Variants in GLT1D1 observed in about 807,000 individuals in gnomAD.
GLT1D1 encodes glycosyltransferase 1 domain-containing protein 1.
Under a neutral mutation model 28.7 loss-of-function variants are expected in GLT1D1, and 21 were observed. The ratio of observed to expected loss-of-function variants is 0.73; its 90% CI spans 0.52 to 1.05. The LOEUF (loss-of-function observed/expected upper bound fraction) is 1.05. Among genes scored for constraint, GLT1D1 ranks in the 50% least tolerant of loss-of-function variants. The pLI is 0.00. For synonymous variants in GLT1D1, 147 were observed against 124.8 expected (o/e 1.18, Z -1.19); for missense variants, 343 against 330.6 (o/e 1.04, Z -0.29).
chr12:128,910,908 C>G lies in GLT1D1; in HGVS notation c.375+11621C>G, dbSNP rs1004996002. Among the ~76,000 whole-genome samples the G allele has an allele frequency of 4.6e-5, 7 of 152,190 alleles. No homozygotes were observed. The East Asian group carries it at 1.2e-3, about 25-fold the overall frequency. ...GGACAAAACCAACACCATACCGAGCCTCGTGTGTACCCACCACCTTCTTTA... is the reference window on the plus strand; with the variant it reads ...GGACAAAACCAACACCATACCGAGCGTCGTGTGTACCCACCACCTTCTTTA... On this transcript the variant is annotated intron_variant, in intron 4 of 7. Coordinates refer to ENST00000281703, the MANE Select transcript of GLT1D1 (RefSeq NM_144669.3).
At chr12:128,974,734 T>C (rs1879599402) in intron 7 of GLT1D1, among the ~76,000 whole-genome samples, 1 of 152,232 alleles carries the variant, frequency 6.6e-6, no homozygotes, top group Non-Finnish European at 1.5e-5. Flanking sequence ...CTGGAGATGA[T>C]ATGTAATAGA....
chr12:128,879,887 T>C (rs1464218533), intron 2 of GLT1D1, among the ~76,000 whole-genome samples: 1 of 152,254 alleles, frequency 6.6e-6, no homozygotes, highest in Non-Finnish European at 1.5e-5. Context: ...TACATTCTTT[T>C]TATTGGCTGT....
chr12:128,878,586 A>G (rs954268445), intron 2 of GLT1D1, among the ~76,000 whole-genome samples: 1 of 152,170 alleles, frequency 6.6e-6, no homozygotes, highest in Non-Finnish European at 1.5e-5. Context: ...TTTTCTGCTG[A>G]ACAAGTATAT....
chr12:128,950,527 C>G (rs1338114026), intron 6 of GLT1D1, among the ~76,000 whole-genome samples: 1 of 152,212 alleles, frequency 6.6e-6, no homozygotes, highest in Non-Finnish European at 1.5e-5. Context: ...GCAAGAAAAT[C>G]TAGACATGGT....
At chr12:128,938,642 C>A (rs1037617906) in intron 4 of GLT1D1, among the ~76,000 whole-genome samples, 2 of 152,134 alleles carry the variant, frequency 1.3e-5, no homozygotes, top group African/African-American at 4.8e-5. Context: ...TTCTTCAAAC[C>A]AACTTGGTTT....
intron 3 of GLT1D1, among the ~76,000 whole-genome samples, chr12:128,891,022 A>G (rs1449987737): frequency 6.6e-6 from 1 of 151,856 alleles, no homozygotes. Flanking sequence ...AGCAACAACA[A>G]CAAAAGAACC....
chr12:128,907,272 C>T (rs1186853658), intron 4 of GLT1D1, among the ~76,000 whole-genome samples: 1 of 151,538 alleles, frequency 6.6e-6, no homozygotes, highest in Non-Finnish European at 1.5e-5. Flanking sequence ...AGGAGAAGCT[C>T]CAGGGATTGA....
At chr12:128,872,919 G>T (rs573162902) in intron 1 of GLT1D1, among the ~76,000 whole-genome samples, 5 of 152,024 alleles carry the variant, frequency 3.3e-5, no homozygotes, top group East Asian at 1.9e-4. Context: ...TTGAGACAGG[G>T]TCTCGCTCTG....
chr12:128,944,556 G>A (rs1875766815), intron 4 of GLT1D1: 1 of 773,704 alleles, frequency 1.3e-6, no homozygotes, highest in African/African-American at 1.7e-5. Flanking sequence ...GGCCATTGGT[G>A]AGATGAATCC....
intron 1 of GLT1D1, among the ~76,000 whole-genome samples, chr12:128,871,737 C>T (rs1956693531): frequency 1.3e-5 from 2 of 152,076 alleles, no homozygotes; most frequent in South Asian, 4.1e-4. Flanking sequence ...TCTTTGTCCT[C>T]CTCTTCTTTG....
chr12:128,979,458 G>A (rs1039483513), intron 7 of GLT1D1, among the ~76,000 whole-genome samples: 4 of 152,146 alleles, frequency 2.6e-5, no homozygotes, highest in African/African-American at 9.7e-5. Flanking sequence ...TGTTGGCCAG[G>A]GGCCACCCTC....
rs1216913736 is a variant in GLT1D1, at chr12:128,957,637, T to C, written c.633T>C (p.Asn211=). 1.2e-6 allele frequency: 2 copies of C among 1,608,084 alleles called. No homozygotes were observed. Among genetic ancestry groups the C allele is most frequent in the South Asian group, 1.1e-5 (1 of 90,956 alleles). Residue 211 remains asparagine, a synonymous_variant, in exon 7 of 8, where the codon AAT becomes AAC. Coordinates refer to ENST00000281703, the MANE Select transcript of GLT1D1 (RefSeq NM_144669.3). The stretch of plus-strand genomic sequence containing the variant: ...AAGTCACAGGGCTACTGTTTTCCAA[T>C]CCTCAGGTAAAGAAAAGTTCTTTCC...
chr12:128,897,209 T>C (rs2135848333), intron 3 of GLT1D1, among the ~76,000 whole-genome samples: 1 of 152,314 alleles, frequency 6.6e-6, no homozygotes, highest in South Asian at 2.1e-4. Context: ...CACGTGAACA[T>C]CCCATTTTTC....
At chr12:128,873,336 T>A (rs1411675692) in intron 1 of GLT1D1, among the ~76,000 whole-genome samples, 1 of 152,246 alleles carries the variant, frequency 6.6e-6, no homozygotes, top group Non-Finnish European at 1.5e-5. Flanking sequence ...TTGGAATTCA[T>A]TCTTAATACT....
At position 128,927,300 on chromosome 12, in the gene GLT1D1, G is replaced by A. The variant is rs181651673; in HGVS notation, c.376-18026G>A. On this transcript the variant is annotated intron_variant, in intron 4 of 7. Coordinates refer to ENST00000281703, the MANE Select transcript of GLT1D1 (RefSeq NM_144669.3). ...GTCCCCCAGGCTGGAGTGCAGTGGC[G>A]TGATCTCGGCTCACTGCAACCTCTA... is the stretch of plus-strand genomic sequence containing the variant. 2.0e-3 allele frequency: 1,218 copies of A among 615,058 alleles called. 28 individuals are homozygous for A. In the Admixed American group the frequency reaches 0.03, roughly 15 times the overall value. 38.1% of individuals were successfully genotyped at this position (615,058 alleles called of 1,614,324 possible). A position where few individuals can be genotyped will look rare whatever the true frequency, so the allele number is the denominator to read the frequency against.
chr12:128,863,815 G>A (rs1021698205), intron 1 of GLT1D1, among the ~76,000 whole-genome samples: 12 of 151,856 alleles, frequency 7.9e-5, no homozygotes, highest in African/African-American at 1.2e-4. Context: ...ACGTGGTGGC[G>A]GGCACCTGCA....
intron 4 of GLT1D1, among the ~76,000 whole-genome samples, chr12:128,908,719 G>A (rs1273058848): frequency 6.6e-6 from 1 of 151,976 alleles, no homozygotes; most frequent in Non-Finnish European, 1.5e-5. Flanking sequence ...GGAGGCCGAG[G>A]AGGGCGGATC....
At chr12:128,864,147 G>A (rs1330784010) in intron 1 of GLT1D1, 2 of 686,400 alleles carry the variant, frequency 2.9e-6, no homozygotes, top group East Asian at 2.8e-5. Context: ...GTCTTAACAT[G>A]CTGACTGCGA....
intron 6 of GLT1D1, among the ~76,000 whole-genome samples, chr12:128,954,282 C>T (rs1296635911): frequency 5.5e-5 from 7 of 128,392 alleles, no homozygotes; most frequent in Admixed American, 2.6e-4. Context: ...CCACCACACC[C>T]GGCTAATTTT....
Sources: allele counts gnomAD v4.1 joint callset (sites outside exome capture counted in the v4.1 genomes callset), GRCh38; gene constraint gnomAD v4.1.1; transcripts MANE v1.5; gene names NCBI Gene and HGNC (gene_info 2026-07-23, HGNC 2026-07-21).